OSBP: variants seen among roughly 807,000 people sequenced by gnomAD.
OSBP encodes oxysterol-binding protein 1.
A neutral mutation model predicts 96.6 loss-of-function variants in OSBP; 32 were observed. The observed-to-expected ratio is 0.33, with a 90% CI of 0.25 to 0.45. OSBP has a LOEUF of 0.45. Ranked by LOEUF, OSBP falls within the 20% of genes least tolerant of loss-of-function variation. OSBP has a pLI of 1.00. For missense variants in OSBP, 653 were observed against 1,029.7 expected (o/e 0.63, Z 5.01); for synonymous variants, 369 against 389.6 (o/e 0.95, Z 0.62).
intron 9 of OSBP, among the ~76,000 whole-genome samples, chr11:59,589,833 A>G (rs1356752919): frequency 6.6e-6 from 1 of 151,618 alleles, no homozygotes; most frequent in Non-Finnish European, 1.5e-5. Context: ...AAATACAAAA[A>G]TTAGCTGGGT....
At position 59,575,168 on chromosome 11, in the gene OSBP, G is replaced by C. The variant is rs886514372; in HGVS notation, c.*1409C>G. On this transcript the variant is annotated 3_prime_UTR_variant, in exon 14 of 14. Coordinates refer to ENST00000263847, the MANE Select transcript of OSBP (RefSeq NM_002556.3). ...TTCAGCCTATGCGCCGGACAGAGCAGAATTAAATTGGAAGTTGCCCTCCGG... is the reference window on the plus strand; with the variant it reads ...TTCAGCCTATGCGCCGGACAGAGCACAATTAAATTGGAAGTTGCCCTCCGG... The C allele has an allele frequency of 1.3e-5, 2 of 152,160 alleles. No homozygotes were observed. Among genetic ancestry groups the C allele is most frequent in the African/African-American group, 4.8e-5 (2 of 41,440 alleles). The allele number at this position is 152,160 out of a possible 1,614,324, so 9.4% of individuals were successfully genotyped here. A position where few individuals can be genotyped will look rare whatever the true frequency, so the allele number is the denominator to read the frequency against.
intron 9 of OSBP, among the ~76,000 whole-genome samples, chr11:59,581,921 G>A (rs1484179499): frequency 6.6e-6 from 1 of 152,226 alleles, no homozygotes; most frequent in African/African-American, 2.4e-5. Flanking sequence ...TTGGTAGTCT[G>A]TACCGGGACC....
rs938821326 is a variant in OSBP at position 59,574,748 on chromosome 11, C to T, written c.*1829G>A. ...AATAAGGTTCTTAGGAGGAAATTCC[C>T]CAGCAGTCAAAGTCACTCCTCTCCC... On this transcript the variant is annotated 3_prime_UTR_variant, in exon 14 of 14. Transcript: ENST00000263847. The T allele has an allele frequency of 2.0e-5, 3 of 152,470 alleles. No individual in the cohort carries two copies. The highest frequency in any genetic ancestry group is 7.2e-5 in the African/African-American group (3 of 41,388). 9.4% of individuals were successfully genotyped at this position (152,470 alleles called of 1,614,324 possible).
intron 9 of OSBP, among the ~76,000 whole-genome samples, chr11:59,583,634 GTTTTTT>G (rs764596509): frequency 1.6e-5 from 1 of 64,320 alleles, no homozygotes; most frequent in Non-Finnish European, 3.1e-5. Flanking sequence ...CTAAATCTCT[GTTTTTT>G]TTTTTTTTTT....
chr11:59,589,290 A>C (rs1169118033), intron 9 of OSBP, among the ~76,000 whole-genome samples: 1 of 150,492 alleles, frequency 6.6e-6, no homozygotes, highest in Non-Finnish European at 1.5e-5. Context: ...ATCTGTGCCA[A>C]TAGTCTTAAT....
chr11:59,580,883 C>T (rs914439658), intron 10 of OSBP, among the ~76,000 whole-genome samples: 4 of 152,230 alleles, frequency 2.6e-5, no homozygotes, highest in African/African-American at 7.2e-5. Context: ...TTAACTCCCA[C>T]ATCTACTGTG....
chr11:59,613,187 T>C (rs1860873687), intron 1 of OSBP, among the ~76,000 whole-genome samples: 1 of 152,208 alleles, frequency 6.6e-6, no homozygotes, highest in African/African-American at 2.4e-5. Flanking sequence ...GTGCACAGAT[T>C]GATAACTCTG....
intron 2 of OSBP, among the ~76,000 whole-genome samples, chr11:59,610,077 T>G (rs1161253983): frequency 6.6e-6 from 1 of 152,138 alleles, no homozygotes; most frequent in African/African-American, 2.4e-5. Context: ...TGGCGGCTGT[T>G]TGGTATATTA....
Position 59,615,598 on chromosome 11 carries a change from C to CTGGAGATACAA in OSBP, c.66_67insTTGTATCTCCA (p.Gly23LeufsTer94). On this transcript the variant is annotated frameshift_variant, in exon 1 of 14. Coordinates refer to ENST00000263847, the MANE Select transcript of OSBP (RefSeq NM_002556.3). LOFTEE classifies it high-confidence loss of function. ...CCCACCACTGGGGGACCGGCGCCGC[C>CTGGAGATACAA]GCCGCCAAGTGCTGCAATGGCTGCC... 1 of 1,376,240 alleles carries CTGGAGATACAA rather than the reference C, an allele frequency of 7.3e-7. No individual in the cohort carries two copies. Among genetic ancestry groups the CTGGAGATACAA allele is most frequent in the Non-Finnish European group, 9.4e-7 (1 of 1,061,908 alleles). 85.3% of individuals were successfully genotyped at this position (1,376,240 alleles called of 1,614,324 possible).
intron 11 of OSBP, 110 bp downstream of exon 11, chr11:59,580,064 T>C: frequency 1.3e-6 from 1 of 772,574 alleles, no homozygotes; most frequent in South Asian, 1.4e-5. Context: ...CTATATAAAA[T>C]GTACACACCC....
intron 3 of OSBP, among the ~76,000 whole-genome samples, chr11:59,603,926 T>C (rs925710957): frequency 6.6e-6 from 1 of 152,206 alleles, no homozygotes; most frequent in Non-Finnish European, 1.5e-5. Context: ...ATCCTTCTCT[T>C]ACTTTTGCTT....
intron 12 of OSBP, among the ~76,000 whole-genome samples, chr11:59,577,642 A>C (rs1392991655): frequency 6.6e-6 from 1 of 152,152 alleles, no homozygotes; most frequent in East Asian, 1.9e-4. Context: ...ATGGGTGCAC[A>C]CCACCATATG....
chr11:59,608,476 G>A lies in OSBP; in HGVS notation c.822+8C>T. 1 of 1,614,142 alleles carries A rather than the reference G, an allele frequency of 6.2e-7. No homozygotes were observed. The highest frequency in any genetic ancestry group is 8.5e-7 in the Non-Finnish European group (1 of 1,179,976). On this transcript the variant is annotated splice_region_variant and intron_variant, in intron 3 of 13. Transcript: ENST00000263847. Reference sequence around the variant, plus strand: ...TCAAAAAGCAACACAGACACCATCTGCACTCACGTTGATCATGGCATTGGA... The same window carrying A: ...TCAAAAAGCAACACAGACACCATCTACACTCACGTTGATCATGGCATTGGA...
chr11:59,600,756 A>T, intron 6 of OSBP, 63 bp downstream of exon 6: 1 of 1,571,552 alleles, frequency 6.4e-7, no homozygotes. Flanking sequence ...AAAAAAAAAA[A>T]AAAAATCCTT....
At chr11:59,609,146 T>C (rs925231504) in intron 2 of OSBP, among the ~76,000 whole-genome samples, 5 of 152,228 alleles carry the variant, frequency 3.3e-5, no homozygotes, top group Non-Finnish European at 7.3e-5. Flanking sequence ...TGATGATTCC[T>C]ATCTAGTCCA....
Position 59,594,301 on chromosome 11 carries a change from A to G in OSBP, c.1312-46T>C, listed in dbSNP as rs1435919174. ...ATAAAAACTATGCTCACTCATCTATAAGAGACAGTTTAATTTTTTTTGCAG... is the reference window on the plus strand; with the variant it reads ...ATAAAAACTATGCTCACTCATCTATGAGAGACAGTTTAATTTTTTTTGCAG... On this transcript the variant is annotated intron_variant, in intron 7 of 13. Transcript: ENST00000263847. 6.9e-6 allele frequency: 11 copies of G among 1,583,042 alleles called. No homozygotes were observed. In the East Asian group the frequency reaches 2.0e-4, roughly 29 times the overall value.
intron 3 of OSBP, among the ~76,000 whole-genome samples, chr11:59,603,846 T>C (rs1860749690): frequency 6.6e-6 from 1 of 152,160 alleles, no homozygotes; most frequent in Non-Finnish European, 1.5e-5. Flanking sequence ...TGTCTCTGCT[T>C]TTCCCTTTGA....
intron 9 of OSBP, among the ~76,000 whole-genome samples, chr11:59,585,321 G>A (rs1220334409): frequency 4.6e-5 from 7 of 150,806 alleles, no homozygotes; most frequent in African/African-American, 7.3e-5. Flanking sequence ...GCCTCTGCCC[G>A]GCCGCGACCC....
At chr11:59,589,323 C>CGTG (rs1860546721) in intron 9 of OSBP, among the ~76,000 whole-genome samples, 1 of 148,062 alleles carries the variant, frequency 6.8e-6, no homozygotes, top group South Asian at 2.4e-4. Context: ...TTTGGCCAGG[C>CGTG]GTGGTGGTGC....
Sources: allele counts gnomAD v4.1 joint callset (sites outside exome capture counted in the v4.1 genomes callset), GRCh38; gene constraint gnomAD v4.1.1; transcripts MANE v1.5; gene names NCBI Gene and HGNC (gene_info 2026-07-23, HGNC 2026-07-21).